The following ITFG1 variants were observed in gnomAD, a reference collection of about 807,000 sequenced individuals.
The protein encoded by ITFG1 is T-cell immunomodulatory protein.
In ITFG1, 34 loss-of-function variants were observed where a neutral mutation model predicts 81.8. That is an observed-to-expected ratio of 0.42 (90% confidence interval 0.32 to 0.55). The LOEUF is 0.55. Ranked by LOEUF, ITFG1 falls within the 20% of genes least tolerant of loss-of-function variation. The pLI is 0.17. For missense variants in ITFG1, 672 were observed against 755.4 expected (o/e 0.89, Z 1.29); for synonymous variants, 285 against 270.6 (o/e 1.05, Z -0.52).
rs759308689 is a variant in ITFG1 at position 47,452,834 on chromosome 16, T to A, written c.428-44A>T. 4 of 1,051,058 alleles carry A rather than the reference T, an allele frequency of 3.8e-6. No individual in the cohort carries two copies. In the South Asian group the frequency reaches 6.4e-5, roughly 17 times the overall value. 65.1% of individuals were successfully genotyped at this position (1,051,058 alleles called of 1,614,324 possible). ...TATATATGAATTAGCAGGCATTTTA[T>A]ATTACTTTTGATATCTATGCTTAGG... On this transcript the variant is annotated intron_variant, in intron 3 of 17. Coordinates refer to ENST00000320640, the MANE Select transcript of ITFG1 (RefSeq NM_030790.5).
chr16:47,290,625 C>G (rs1392027661), intron 10 of ITFG1, among the ~76,000 whole-genome samples: 1 of 152,102 alleles, frequency 6.6e-6, no homozygotes, highest in Admixed American at 6.5e-5. Context: ...TGTAGCGATA[C>G]CAGCTCAATT....
At chr16:47,361,475 C>T (rs16956083) in intron 8 of ITFG1, among the ~76,000 whole-genome samples, 17,738 of 151,978 alleles carry the variant, frequency 0.12, 2,261 homozygotes, top group African/African-American at 0.32. Context: ...TCAGAGCCTA[C>T]GTAGAAAGAG....
chr16:47,444,698 C>A (rs1969300533), intron 5 of ITFG1, among the ~76,000 whole-genome samples: 1 of 151,850 alleles, frequency 6.6e-6, no homozygotes. Flanking sequence ...AAAAAGATAC[C>A]AAATATACAA....
chr16:47,268,796 T>C (rs901225465), intron 10 of ITFG1, among the ~76,000 whole-genome samples: 41 of 152,250 alleles, frequency 2.7e-4, no homozygotes, highest in African/African-American at 9.9e-4. Context: ...AGGAATATTA[T>C]AATTACTAAA....
chr16:47,267,569 A>T (rs1966291525), intron 10 of ITFG1, among the ~76,000 whole-genome samples: 1 of 152,178 alleles, frequency 6.6e-6, no homozygotes. Context: ...CACCTGACTG[A>T]CGTTTATTGA....
intron 13 of ITFG1, among the ~76,000 whole-genome samples, chr16:47,222,205 CTT>C (rs1394826041): frequency 2.6e-5 from 4 of 151,176 alleles, no homozygotes; most frequent in Admixed American, 2.0e-4. Flanking sequence ...ATCTTTCCTG[CTT>C]TCTCTTGTGG....
At chr16:47,297,180 C>T (rs1966995659) in intron 10 of ITFG1, among the ~76,000 whole-genome samples, 1 of 152,000 alleles carries the variant, frequency 6.6e-6, no homozygotes, top group Non-Finnish European at 1.5e-5. Context: ...AAATGACATT[C>T]TTTCTTTTTT....
At chr16:47,245,069 G>A (rs1331499645) in intron 12 of ITFG1, among the ~76,000 whole-genome samples, 6 of 152,098 alleles carry the variant, frequency 3.9e-5, no homozygotes, top group African/African-American at 7.2e-5. Flanking sequence ...TTTTTAGGCC[G>A]GGTGCGGTGG....
At chr16:47,226,873 G>A (rs1965764687) in intron 13 of ITFG1, among the ~76,000 whole-genome samples, 1 of 151,790 alleles carries the variant, frequency 6.6e-6, no homozygotes, top group African/African-American at 2.4e-5. Flanking sequence ...GAAAAATATA[G>A]TTTTTAAAAA....
At chr16:47,170,062 T>C (rs189932269) in intron 14 of ITFG1, among the ~76,000 whole-genome samples, 27 of 152,372 alleles carry the variant, frequency 1.8e-4, no homozygotes, top group South Asian at 6.2e-4. Flanking sequence ...TAAATACTTT[T>C]AATGTGCTGC....
chr16:47,423,504 A>T (rs1329553009), intron 6 of ITFG1, among the ~76,000 whole-genome samples: 1 of 152,096 alleles, frequency 6.6e-6, no homozygotes, highest in Non-Finnish European at 1.5e-5. Context: ...TTGCCCGTTA[A>T]TTGATGCAGT....
Position 47,258,643 on chromosome 16 carries a change from A to C in ITFG1, c.1319T>G (p.Val440Gly). ...KNNFEADAYFVKVIVLSGLCS... is the reference protein window; with the variant it reads ...KNNFEADAYFGKVIVLSGLCS... ...AGTACTTTACTCACCAATAACTTTA[A>C]CAAAATAAGCATCTGCTTCAAAGTT... The change falls in exon 12 of 18, where the codon GTT becomes GGT. Residue 440 changes from valine to glycine, a missense_variant. By Grantham distance (109) the Val-to-Gly change is moderately radical. Transcript: ENST00000320640. 7.0e-7 allele frequency: 1 copy of C among 1,421,044 alleles called. No individual in the cohort carries two copies. The highest frequency in any genetic ancestry group is 9.8e-7 in the Non-Finnish European group (1 of 1,016,882). 88.0% of individuals were successfully genotyped at this position (1,421,044 alleles called of 1,614,324 possible).
intron 5 of ITFG1, among the ~76,000 whole-genome samples, chr16:47,431,036 G>C (rs544747849): frequency 1.3e-5 from 2 of 152,154 alleles, no homozygotes; most frequent in Admixed American, 6.5e-5. Context: ...AGTACAAAAT[G>C]GATGATCCTT....
chr16:47,223,871 A>T (rs1395209758), intron 13 of ITFG1, among the ~76,000 whole-genome samples: 1 of 152,176 alleles, frequency 6.6e-6, no homozygotes, highest in African/African-American at 2.4e-5. Flanking sequence ...TACACCATGG[A>T]ATACTATGCA....
chr16:47,225,537 G>A (rs1056081225), intron 13 of ITFG1, among the ~76,000 whole-genome samples: 3 of 152,136 alleles, frequency 2.0e-5, no homozygotes, highest in Non-Finnish European at 4.4e-5. Flanking sequence ...ATTGAATGTT[G>A]AAAGCAGCAA....
intron 8 of ITFG1, among the ~76,000 whole-genome samples, chr16:47,364,986 T>C (rs1968156351): frequency 6.6e-6 from 1 of 152,248 alleles, no homozygotes; most frequent in African/African-American, 2.4e-5. Flanking sequence ...GCTCAAACTC[T>C]AACTTCTTGT....
intron 12 of ITFG1, among the ~76,000 whole-genome samples, chr16:47,246,153 T>G (rs964996540): frequency 6.6e-6 from 1 of 152,218 alleles, no homozygotes; most frequent in African/African-American, 2.4e-5. Context: ...TTTCTTCCAT[T>G]TTGTGTACAA....
chr16:47,324,852 C>T (rs374211589), intron 8 of ITFG1, among the ~76,000 whole-genome samples: 3 of 152,102 alleles, frequency 2.0e-5, no homozygotes, highest in African/African-American at 4.8e-5. Flanking sequence ...TAGTGACCTA[C>T]GAAGAGACTT....
intron 6 of ITFG1, among the ~76,000 whole-genome samples, chr16:47,380,442 A>G (rs753492541): frequency 5.9e-5 from 9 of 152,200 alleles, no homozygotes; most frequent in Non-Finnish European, 1.0e-4. Context: ...GCCAAAAAGT[A>G]AGGTTAAATT....
Sources: gnomAD v4.1 joint callset for allele counts (sites outside exome capture counted in the v4.1 genomes callset) on GRCh38, gnomAD v4.1.1 for gene constraint, MANE v1.5 for transcripts, NCBI Gene and HGNC (gene_info 2026-07-23, HGNC 2026-07-21) for gene names.